Variants in UPP2 observed in about 807,000 individuals in gnomAD.
The protein encoded by UPP2 is uridine phosphorylase 2, also known as UPase 2.
Under a neutral mutation model 26.7 loss-of-function variants are expected in UPP2, and 23 were observed. That is an observed-to-expected ratio of 0.86 (90% confidence interval 0.62 to 1.22). The LOEUF (loss-of-function observed/expected upper bound fraction) is 1.22. UPP2 is among the 50% of genes most tolerant of loss of function. UPP2 has a pLI of 0.00. For missense variants in UPP2, 387 were observed against 396.7 expected, an observed-to-expected ratio of 0.98 and a Z score of 0.21; for synonymous variants, 127 against 141.3, an observed-to-expected ratio of 0.90 and a Z score of 0.72.
intron 3 of UPP2, among the ~76,000 whole-genome samples, chr2:158,037,324 G>A (rs192788860): frequency 1.2e-4 from 19 of 152,200 alleles, no homozygotes; most frequent in African/African-American, 2.2e-4. Flanking sequence ...GCAGTGAGCC[G>A]AGATTGTGCC....
At chr2:158,053,820 G>T (rs908602587) in intron 3 of UPP2, among the ~76,000 whole-genome samples, 1 of 152,174 alleles carries the variant, frequency 6.6e-6, no homozygotes, top group African/African-American at 2.4e-5. Context: ...GGAGAATGGG[G>T]CATAGACAGA....
chr2:158,126,874 C>T (rs1683704677), intron 6 of UPP2: 1 of 152,220 alleles, frequency 6.6e-6, no homozygotes, highest in African/African-American at 2.4e-5. Context: ...AGTTATGGCC[C>T]ACCCTATCCT....
chr2:157,997,157 A>G (rs1409576717), intron 2 of UPP2, among the ~76,000 whole-genome samples: 1 of 152,202 alleles, frequency 6.6e-6, no homozygotes, highest in Non-Finnish European at 1.5e-5. Context: ...TGATTATTAG[A>G]TCAAATAAGA....
At chr2:158,027,068 A>G (rs1047687491) in intron 3 of UPP2, among the ~76,000 whole-genome samples, 10 of 152,160 alleles carry the variant, frequency 6.6e-5, no homozygotes, top group African/African-American at 2.2e-4. Flanking sequence ...TTGGGTGGGG[A>G]CACAGCCAAA....
At position 158,122,420 on chromosome 2, in the gene UPP2, C is replaced by T. The variant is rs189124787; in HGVS notation, c.664+802C>T. ...TCATATTATCTATACATTTTACTTC[C>T]GGTTAGTAAAGGTGGTTTCACCACA... On this transcript the variant is annotated intron_variant, in intron 5 of 6. Coordinates refer to ENST00000005756, the MANE Select transcript of UPP2 (RefSeq NM_173355.4). Among the ~76,000 whole-genome samples, 93 of 151,968 alleles carry T rather than the reference C, an allele frequency of 6.1e-4. 4 individuals are homozygous for T. Among genetic ancestry groups the T allele is most frequent in the Non-Finnish European group, 1.1e-3 (72 of 67,926 alleles).
intron 3 of UPP2, among the ~76,000 whole-genome samples, chr2:158,033,074 A>G (rs913939692): frequency 6.6e-6 from 1 of 152,104 alleles, no homozygotes; most frequent in African/African-American, 2.4e-5. Context: ...GTCATTTAGA[A>G]CACCAAATGT....
At chr2:158,106,880 TTC>T (rs1418595668) in intron 2 of UPP2, among the ~76,000 whole-genome samples, 1 of 152,228 alleles carries the variant, frequency 6.6e-6, no homozygotes, top group Non-Finnish European at 1.5e-5. Flanking sequence ...ACTCATTTTT[TTC>T]TTTCAATCAT....
At chr2:158,021,268 CT>C (rs1683746953) in intron 3 of UPP2, among the ~76,000 whole-genome samples, 2 of 152,204 alleles carry the variant, frequency 1.3e-5, no homozygotes, top group African/African-American at 4.8e-5. Flanking sequence ...AAGAAATGTT[CT>C]GACTTTTAAC....
intron 3 of UPP2, among the ~76,000 whole-genome samples, chr2:158,080,568 A>G (rs1301908266): frequency 1.3e-5 from 2 of 152,174 alleles, no homozygotes; most frequent in African/African-American, 4.8e-5. Flanking sequence ...ATCATTTGGT[A>G]TATTGTTAGT....
intron 2 of UPP2, among the ~76,000 whole-genome samples, chr2:158,000,282 G>A (rs6706559): frequency 0.49 from 74,410 of 151,726 alleles, 19,195 homozygotes; most frequent in South Asian, 0.68. Flanking sequence ...TTTCTCACAC[G>A]CATGGGCTGA....
At chr2:158,074,757 C>A (rs190464017) in intron 3 of UPP2, among the ~76,000 whole-genome samples, 73 of 148,244 alleles carry the variant, frequency 4.9e-4, no homozygotes, top group African/African-American at 1.8e-3. Context: ...GTAGTAAGTC[C>A]TTATTTATCA....
intron 3 of UPP2, among the ~76,000 whole-genome samples, chr2:158,025,079 G>A (rs1261050922): frequency 7.2e-5 from 11 of 152,032 alleles, no homozygotes; most frequent in African/African-American, 2.7e-4. Flanking sequence ...CGGGGTGCCT[G>A]TAATCCCAGC....
intron 2 of UPP2, among the ~76,000 whole-genome samples, chr2:158,009,422 A>C (rs1423093540): frequency 6.6e-6 from 1 of 152,220 alleles, no homozygotes; most frequent in Non-Finnish European, 1.5e-5. Flanking sequence ...TAGACATCTA[A>C]TGTCCAGAAT....
chr2:158,129,777 T>G (rs34045341), intron 6 of UPP2, among the ~76,000 whole-genome samples: 5,340 of 151,728 alleles, frequency 0.035, 167 homozygotes, highest in East Asian at 0.15. Context: ...TTGTTTGTTT[T>G]TTTTTTGAGA....
intron 3 of UPP2, among the ~76,000 whole-genome samples, chr2:158,083,866 T>TA (rs199658125): frequency 0.098 from 14,211 of 144,812 alleles, 832 homozygotes; most frequent in East Asian, 0.25. Flanking sequence ...ATATATGTTT[T>TA]TTATATATAT....
At chr2:158,119,777 G>A (rs1310268787) in intron 4 of UPP2, among the ~76,000 whole-genome samples, 2 of 151,814 alleles carry the variant, frequency 1.3e-5, no homozygotes, top group Non-Finnish European at 2.9e-5. Context: ...TTGGGAGGCC[G>A]AGGCAGTGGA....
At chr2:158,124,675 G>A (rs1683655251) in intron 6 of UPP2, among the ~76,000 whole-genome samples, 1 of 152,212 alleles carries the variant, frequency 6.6e-6, no homozygotes, top group Admixed American at 6.5e-5. Flanking sequence ...CGCAGGTAGT[G>A]AGAAGTAGTC....
intron 3 of UPP2, 55 bp downstream of exon 3, chr2:158,115,314 G>T: frequency 6.7e-7 from 1 of 1,490,888 alleles, no homozygotes; most frequent in South Asian, 1.4e-5. Context: ...GAAAAAAGTG[G>T]GAACTTTTAC....
At chr2:158,094,605 T>C (rs1049721270) in intron 3 of UPP2, among the ~76,000 whole-genome samples, 1 of 152,232 alleles carries the variant, frequency 6.6e-6, no homozygotes, top group Non-Finnish European at 1.5e-5. Context: ...TTGCACTTAG[T>C]AATGTTAAGA....
Sources: gnomAD v4.1 joint callset for allele counts (sites outside exome capture counted in the v4.1 genomes callset) on GRCh38, gnomAD v4.1.1 for gene constraint, MANE v1.5 for transcripts, NCBI Gene and HGNC (gene_info 2026-07-23, HGNC 2026-07-21) for gene names.